The following TPST1 variants were observed in gnomAD, a reference collection of about 807,000 sequenced individuals.
TPST1 encodes protein-tyrosine sulfotransferase 1.
In TPST1, 20 loss-of-function variants were observed where a neutral mutation model predicts 34.8. The observed-to-expected ratio is 0.57, with a 90% CI of 0.40 to 0.84. The LOEUF (loss-of-function observed/expected upper bound fraction) is 0.84. Among genes scored for constraint, TPST1 ranks in the 40% least tolerant of loss-of-function variants. The pLI, the probability that TPST1 is intolerant of heterozygous loss-of-function variation, is 0.00. For missense variants in TPST1, 353 were observed against 455.5 expected (o/e 0.78, Z 2.05); for synonymous variants, 152 against 159.4 (o/e 0.95, Z 0.35).
intron 1 of TPST1, among the ~76,000 whole-genome samples, chr7:66,239,329 A>C (rs762271381): frequency 1.7e-4 from 26 of 152,124 alleles, no homozygotes; most frequent in Non-Finnish European, 3.7e-4. Context: ...CAGGTCAATT[A>C]CATGCTCCTT....
At chr7:66,251,208 T>G (rs1790255448) in intron 2 of TPST1, among the ~76,000 whole-genome samples, 1 of 152,132 alleles carries the variant, frequency 6.6e-6, no homozygotes, top group South Asian at 2.1e-4. Flanking sequence ...GCCTGGTATA[T>G]AATGAGAGGT....
At chr7:66,331,153 C>T (rs117558098) in intron 3 of TPST1, among the ~76,000 whole-genome samples, 173 of 152,266 alleles carry the variant, frequency 1.1e-3, no homozygotes, top group Non-Finnish European at 2.1e-3. Flanking sequence ...CCTCTGTCTA[C>T]GGCAGTTGAC....
chr7:66,239,312 G>C (rs1364534887), intron 1 of TPST1, among the ~76,000 whole-genome samples: 1 of 152,156 alleles, frequency 6.6e-6, no homozygotes, highest in African/African-American at 2.4e-5. Context: ...AACTTTTACA[G>C]CTTCCTCAGG....
chr7:66,318,959 G>A (rs1473844945), intron 3 of TPST1, among the ~76,000 whole-genome samples: 3 of 152,144 alleles, frequency 2.0e-5, no homozygotes, highest in East Asian at 1.9e-4. Context: ...TACTATCAGC[G>A]TAGTTGCTAT....
At chr7:66,351,098 C>T (rs1401845396) in intron 3 of TPST1, among the ~76,000 whole-genome samples, 1 of 152,150 alleles carries the variant, frequency 6.6e-6, no homozygotes, top group African/African-American at 2.4e-5. Context: ...ATCACTACCA[C>T]CTCCTTCCTA....
intron 3 of TPST1, among the ~76,000 whole-genome samples, chr7:66,319,381 G>C (rs77735510): frequency 0.066 from 10,023 of 152,114 alleles, 1,080 homozygotes; most frequent in African/African-American, 0.23. Context: ...AAATATATAT[G>C]TTGGGTTATT....
chr7:66,316,664 A>G (rs1275166511), intron 3 of TPST1, among the ~76,000 whole-genome samples: 5 of 152,266 alleles, frequency 3.3e-5, no homozygotes, highest in African/African-American at 1.2e-4. Flanking sequence ...TTATTGTAAC[A>G]TACGGACTAT....
Position 66,241,078 on chromosome 7 carries a change from C to A in TPST1, c.653C>A (p.Ala218Asp), listed in dbSNP as rs756533668. ...YRDCLTKWNR[A>D]IETMYNQCME... Reference sequence around the variant, plus strand: ...GACTGTTTGACAAAGTGGAATCGTGCTATAGAGACCATGTATAACCAGTGT... The same window carrying A: ...GACTGTTTGACAAAGTGGAATCGTGATATAGAGACCATGTATAACCAGTGT... Residue 218 changes from alanine to aspartate, a missense_variant, in exon 2 of 6, where the codon GCT becomes GAT. Ala to Asp is a moderately radical substitution (Grantham distance 126). Coordinates refer to ENST00000304842, the MANE Select transcript of TPST1 (RefSeq NM_003596.4). 1.9e-6 allele frequency: 3 copies of A among 1,614,180 alleles called. No homozygotes were observed. In the South Asian group the frequency reaches 3.3e-5, roughly 18 times the overall value.
At chr7:66,331,500 G>A (rs1791994587) in intron 3 of TPST1, among the ~76,000 whole-genome samples, 1 of 152,204 alleles carries the variant, frequency 6.6e-6, no homozygotes, top group Non-Finnish European at 1.5e-5. Context: ...TTTTTACCAT[G>A]AAGGGACCAA....
At chr7:66,228,910 T>C (rs1038446885) in intron 1 of TPST1, among the ~76,000 whole-genome samples, 68 of 152,336 alleles carry the variant, frequency 4.5e-4, no homozygotes, top group Non-Finnish European at 7.9e-4. Flanking sequence ...AAAAAAATTT[T>C]TGAAATTACT....
intron 2 of TPST1, among the ~76,000 whole-genome samples, chr7:66,271,111 T>A (rs1790695160): frequency 6.6e-6 from 1 of 152,134 alleles, no homozygotes. Flanking sequence ...AGAGACCAAT[T>A]TTATATGTTT....
intron 3 of TPST1, among the ~76,000 whole-genome samples, chr7:66,330,978 A>C (rs113644049): frequency 6.6e-6 from 1 of 152,344 alleles, no homozygotes; most frequent in African/African-American, 2.4e-5. Context: ...AGATGCTTCT[A>C]GCTCAGGATC....
At chr7:66,257,887 G>A (rs147411534) in intron 2 of TPST1, among the ~76,000 whole-genome samples, 41 of 152,246 alleles carry the variant, frequency 2.7e-4, no homozygotes, top group African/African-American at 8.4e-4. Flanking sequence ...CCACCACAAA[G>A]GTTGTATTTT....
At chr7:66,327,316 T>C (rs1791887139) in intron 3 of TPST1, among the ~76,000 whole-genome samples, 1 of 152,222 alleles carries the variant, frequency 6.6e-6, no homozygotes, top group African/African-American at 2.4e-5. Flanking sequence ...TATTAGAGTT[T>C]ACAATGAGTT....
intron 2 of TPST1, among the ~76,000 whole-genome samples, chr7:66,261,068 G>A (rs916958096): frequency 2.0e-5 from 3 of 152,040 alleles, no homozygotes; most frequent in African/African-American, 7.2e-5. Flanking sequence ...AGTCTGCTGG[G>A]CTCTGCCTGG....
At chr7:66,276,511 G>GT (rs1440525987) in intron 2 of TPST1, among the ~76,000 whole-genome samples, 1 of 151,072 alleles carries the variant, frequency 6.6e-6, no homozygotes, top group Non-Finnish European at 1.5e-5. Context: ...GTAGCTGCGA[G>GT]TACAGGCATG....
chr7:66,340,562 A>G (rs955529550), intron 3 of TPST1, among the ~76,000 whole-genome samples: 3 of 152,246 alleles, frequency 2.0e-5, no homozygotes, highest in Non-Finnish European at 2.9e-5. Context: ...CAAAATCAAC[A>G]TAACAAAAAT....
At chr7:66,320,765 A>C (rs1424534394) in intron 3 of TPST1, among the ~76,000 whole-genome samples, 2 of 150,148 alleles carry the variant, frequency 1.3e-5, no homozygotes, top group Non-Finnish European at 3.0e-5. Flanking sequence ...CGCCCGGCTA[A>C]TTTTGCATTT....
At chr7:66,355,865 A>T (rs964224794) in intron 4 of TPST1, among the ~76,000 whole-genome samples, 78 of 146,818 alleles carry the variant, frequency 5.3e-4, no homozygotes, top group Non-Finnish European at 9.7e-4. Flanking sequence ...AGATTGCGCC[A>T]CTGCATTCCA....
Sources: allele counts gnomAD v4.1 joint callset (sites outside exome capture counted in the v4.1 genomes callset), GRCh38; gene constraint gnomAD v4.1.1; transcripts MANE v1.5; gene names NCBI Gene and HGNC (gene_info 2026-07-23, HGNC 2026-07-21).